BCAS3: variants seen among roughly 807,000 people sequenced by gnomAD.
BCAS3 encodes BCAS3 microtubule associated cell migration factor, also known as BCAS4/BCAS3 fusion.
In BCAS3, 53 loss-of-function variants were observed where a neutral mutation model predicts 116.1. The ratio of observed to expected loss-of-function variants is 0.46; its 90% CI spans 0.37 to 0.57. BCAS3 has a LOEUF of 0.57. BCAS3 is among the 20% of genes least tolerant of loss of function. The pLI, the probability that BCAS3 is intolerant of heterozygous loss-of-function variation, is 0.00. For synonymous variants in BCAS3, 391 were observed against 408.2 expected, an observed-to-expected ratio of 0.96 and a Z score of 0.51; for missense variants, 917 against 1,165.4, an observed-to-expected ratio of 0.79 and a Z score of 3.10.
Position 60,695,309 on chromosome 17 carries a change from G to A in BCAS3, c.214+5548G>A, listed in dbSNP as rs903127882. ...CTAATTTTTGTATTTTTGTAGAGAC[G>A]GGGTTTCATCATGTTGGCCAGGATG... On this transcript the variant is annotated intron_variant, in intron 4 of 23. Transcript: ENST00000407086. Among the ~76,000 whole-genome samples the A allele has an allele frequency of 5.9e-5, 9 of 152,038 alleles. No homozygotes were observed. The South Asian group carries it at 8.3e-4, about 14-fold the overall frequency.
At chr17:60,799,535 T>TTTG (rs2047537244) in intron 6 of BCAS3, among the ~76,000 whole-genome samples, 3 of 135,080 alleles carry the variant, frequency 2.2e-5, no homozygotes, top group African/African-American at 9.3e-5. Context: ...TTTTTTTTTT[T>TTTG]TTTTTTTTTT....
At chr17:60,948,464 G>A (rs2060648055) in intron 14 of BCAS3, among the ~76,000 whole-genome samples, 1 of 152,112 alleles carries the variant, frequency 6.6e-6, no homozygotes, top group Non-Finnish European at 1.5e-5. Context: ...GGTAGATATT[G>A]TGTATTGTCT....
At chr17:60,879,314 T>C (rs1344186302) in intron 9 of BCAS3, among the ~76,000 whole-genome samples, 2 of 152,226 alleles carry the variant, frequency 1.3e-5, no homozygotes, top group Non-Finnish European at 2.9e-5. Flanking sequence ...AATACCTTTT[T>C]AGTGCATTGG....
chr17:61,016,045 C>A (rs1249326876), intron 16 of BCAS3, 144 bp downstream of exon 16: 2 of 876,404 alleles, frequency 2.3e-6, no homozygotes, highest in Non-Finnish European at 3.5e-6. Flanking sequence ...AGATTAAGTA[C>A]AAAGCATAGA....
chr17:60,951,228 T>C (rs1348553836), intron 14 of BCAS3, among the ~76,000 whole-genome samples: 2 of 152,204 alleles, frequency 1.3e-5, no homozygotes, highest in Admixed American at 6.5e-5. Flanking sequence ...TATTATCTTT[T>C]TTGTTTTTAT....
chr17:61,298,819 T>TTA (rs1602506858), intron 22 of BCAS3, among the ~76,000 whole-genome samples: 1 of 98,094 alleles, frequency 1.0e-5, no homozygotes, highest in African/African-American at 4.3e-5. Context: ...TATTTATTTA[T>TTA]TTATTATTAT....
At chr17:60,977,088 G>C (rs905004784) in intron 14 of BCAS3, among the ~76,000 whole-genome samples, 5 of 151,992 alleles carry the variant, frequency 3.3e-5, no homozygotes, top group Non-Finnish European at 7.4e-5. Flanking sequence ...TCCCGGACGG[G>C]GTGGCTGGCC....
chr17:60,918,331 A>G (rs2058882130), intron 12 of BCAS3, among the ~76,000 whole-genome samples: 1 of 152,094 alleles, frequency 6.6e-6, no homozygotes, highest in East Asian at 1.9e-4. Flanking sequence ...TATTTGTACA[A>G]ATTTTTGGGG....
intron 7 of BCAS3, among the ~76,000 whole-genome samples, chr17:60,850,532 T>C (rs2053031802): frequency 6.6e-6 from 1 of 151,888 alleles, no homozygotes; most frequent in Admixed American, 6.6e-5. Flanking sequence ...CTAATTTTTG[T>C]ATTTTTAGTA....
chr17:60,792,161 C>A (rs1266055341), intron 6 of BCAS3, among the ~76,000 whole-genome samples: 1 of 152,128 alleles, frequency 6.6e-6, no homozygotes, highest in Admixed American at 6.5e-5. Flanking sequence ...CCCGTTGTGG[C>A]AATGTTGGAA....
At chr17:60,936,572 C>T (rs902978131) in intron 13 of BCAS3, among the ~76,000 whole-genome samples, 6 of 152,154 alleles carry the variant, frequency 3.9e-5, no homozygotes, top group African/African-American at 1.4e-4. Flanking sequence ...GAGATGGTAT[C>T]TCATAGTGGT....
At chr17:60,823,910 C>A (rs1368195384) in intron 7 of BCAS3, among the ~76,000 whole-genome samples, 1 of 151,984 alleles carries the variant, frequency 6.6e-6, no homozygotes, top group Non-Finnish European at 1.5e-5. Context: ...AAAGAAAATT[C>A]TCATTAAGCA....
At chr17:61,192,362 C>G (rs1282104947) in intron 22 of BCAS3, among the ~76,000 whole-genome samples, 1 of 151,446 alleles carries the variant, frequency 6.6e-6, no homozygotes, top group East Asian at 1.9e-4. Flanking sequence ...CAAGAATCTT[C>G]CAGAATTGTA....
chr17:61,174,741 G>A (rs772112392), intron 22 of BCAS3, among the ~76,000 whole-genome samples: 12 of 152,214 alleles, frequency 7.9e-5, no homozygotes, highest in East Asian at 5.8e-4. Context: ...TTCAATAATC[G>A]CACGGTGTAT....
At chr17:61,272,786 G>A (rs975403845) in intron 22 of BCAS3, among the ~76,000 whole-genome samples, 1 of 148,558 alleles carries the variant, frequency 6.7e-6, no homozygotes, top group Non-Finnish European at 1.5e-5. Context: ...ATTACATTTT[G>A]TATCAATTTT....
At chr17:60,744,330 G>A (rs191468638) in intron 5 of BCAS3, among the ~76,000 whole-genome samples, 17 of 152,192 alleles carry the variant, frequency 1.1e-4, no homozygotes, top group Non-Finnish European at 2.1e-4. Flanking sequence ...ACTCTTGACA[G>A]CCTTATAAAA....
intron 19 of BCAS3, among the ~76,000 whole-genome samples, chr17:61,058,383 GAACATCTGTAAC>G (rs1422924192): frequency 2.6e-5 from 4 of 152,132 alleles, no homozygotes; most frequent in Non-Finnish European, 5.9e-5. Flanking sequence ...ACTTTGTGAA[GAACATCTGTAAC>G]AACCCTATAT....
intron 4 of BCAS3, among the ~76,000 whole-genome samples, chr17:60,706,471 T>C (rs1320199747): frequency 7.5e-6 from 1 of 133,350 alleles, no homozygotes; most frequent in Non-Finnish European, 1.5e-5. Flanking sequence ...GTTAATTGAC[T>C]TTATTTTAAC....
chr17:61,156,238 G>A lies in BCAS3; in HGVS notation c.2425+71674G>A, dbSNP rs2077830093. On this transcript the variant is annotated intron_variant, in intron 22 of 23. Coordinates refer to ENST00000407086, the MANE Select transcript of BCAS3 (RefSeq NM_017679.5). The surrounding 1 kb of genome is among the most constrained non-coding windows in gnomAD (Gnocchi z 4.7). ...GCCTAATTCTCTGGTTAAAGTTTGG[G>A]TCAATGTATTCATTTTGGTCTTCTT... is the stretch of plus-strand genomic sequence containing the variant. 1.3e-5 allele frequency among the ~76,000 whole-genome samples: 2 copies of A among 151,894 alleles called. No homozygotes were observed. The highest frequency in any genetic ancestry group is 2.1e-4 in the South Asian group (1 of 4,814).
Sources: gnomAD v4.1 joint callset for allele counts (sites outside exome capture counted in the v4.1 genomes callset) on GRCh38, gnomAD v4.1.1 for gene constraint, Gnocchi (gnomAD v3.1) non-coding constraint, MANE v1.5 for transcripts, NCBI Gene and HGNC (gene_info 2026-07-23, HGNC 2026-07-21) for gene names.